EML3: variants seen among roughly 807,000 people sequenced by gnomAD.
EML3 encodes the protein EMAP like 3, also known as echinoderm microtubule-associated protein-like 3.
EML3 carries 53 observed loss-of-function variants against 106.7 expected under a neutral mutation model. The ratio of observed to expected loss-of-function variants is 0.50; its 90% CI spans 0.40 to 0.62. The LOEUF is 0.62. Ranked by LOEUF, EML3 falls within the 20% of genes least tolerant of loss-of-function variation. EML3 has a pLI of 0.00. For missense variants in EML3, 994 were observed against 1,209.1 expected (o/e 0.82, Z 2.64); for synonymous variants, 499 against 489.6 (o/e 1.02, Z -0.25).
Position 62,607,837 on chromosome 11 carries a change from T to A in EML3, c.1207-16A>T. The A allele has an allele frequency of 6.2e-7, 1 of 1,608,174 alleles. No individual in the cohort carries two copies. Among genetic ancestry groups the A allele is most frequent in the Non-Finnish European group, 8.5e-7 (1 of 1,175,522 alleles). ...CATTTGTACTCTGAAGGGAAGACAC[T>A]AGATTCAGCCACCCCAAGCCCTGGG... On this transcript the variant is annotated splice_polypyrimidine_tract_variant and intron_variant, in intron 10 of 21. Coordinates refer to ENST00000394773, the MANE Select transcript of EML3 (RefSeq NM_153265.3).
rs987947123 is a variant in EML3, at chr11:62,602,389, G to A, written c.*86C>T. 2.3e-6 allele frequency: 3 copies of A among 1,332,810 alleles called. No homozygotes were observed. The highest frequency in any genetic ancestry group is 2.0e-4 in the Middle Eastern group (1 of 5,012). 82.6% of individuals were successfully genotyped at this position (1,332,810 alleles called of 1,614,324 possible). A position where few individuals can be genotyped will look rare whatever the true frequency, so the allele number is the denominator to read the frequency against. On this transcript the variant is annotated 3_prime_UTR_variant, in exon 22 of 22. Transcript: ENST00000394773. ...TCGAAGTCAGTCCAGGAAAGAGTCG[G>A]CCCCTAGTCGTGGGGGATTGGGCCA... is the stretch of plus-strand genomic sequence containing the variant.
In EML3 at chr11:62,610,865, GA is replaced by G; in HGVS notation, c.566+13del. ...CGCCTGGGGCGGGGTGGGTTGAGGG[GA>G]AGCCTCACCCACCTCTCTGTGCTCC... On this transcript the variant is annotated intron_variant, in intron 4 of 21. Coordinates refer to ENST00000394773, the MANE Select transcript of EML3 (RefSeq NM_153265.3). 1 of 1,593,818 alleles carries G rather than the reference GA, an allele frequency of 6.3e-7. No homozygotes were observed. The highest frequency in any genetic ancestry group is 8.5e-7 in the Non-Finnish European group (1 of 1,171,358).
In EML3 at chr11:62,608,839, T is replaced by C. The variant is rs770758044; in HGVS notation, c.930-34A>G. 3 of 1,564,120 alleles carry C rather than the reference T, an allele frequency of 1.9e-6. No homozygotes were observed. In the East Asian group the frequency reaches 6.8e-5, roughly 35 times the overall value. On this transcript the variant is annotated intron_variant, in intron 7 of 21. Transcript: ENST00000394773. ...GGGGGAAGACACTCTAGGGAAAGGG[T>C]CTCTCAAGACCATCCAAGACACCTT...
chr11:62,609,367 T>C lies in EML3; in HGVS notation c.745A>G (p.Ser249Gly). Residue 249 changes from serine to glycine, a missense_variant, in exon 6 of 22, where the codon AGC becomes GGC. By Grantham distance (56) the Ser-to-Gly change is moderately conservative (BLOSUM62 0). This residue lies in a region of EML3 where 713 missense variants were observed against 920.5 expected (regional missense o/e 0.77). Transcript: ENST00000394773. ...GGGGCAGGATACACCCAGTCAAGGC[T>C]GAGGGTCTCTGGCGGTGGGCCACTC... The part of the protein sequence containing the change: ...LPSGPPPETL[S>G]LDWVYGYRGR... 2 of 1,583,242 alleles carry C rather than the reference T, an allele frequency of 1.3e-6. No individual in the cohort carries two copies. Among genetic ancestry groups the C allele is most frequent in the Non-Finnish European group, 1.7e-6 (2 of 1,164,064 alleles).
In EML3 at chr11:62,603,977, A is replaced by C. The variant is rs748928600; in HGVS notation, c.2136T>G (p.Asp712Glu). 8.7e-6 allele frequency: 14 copies of C among 1,614,132 alleles called. No individual in the cohort carries two copies. In the East Asian group the frequency reaches 3.1e-4, roughly 36 times the overall value. Residue 712 changes from aspartate to glutamate, a missense_variant, in exon 18 of 22, where the codon GAT becomes GAG. By Grantham distance (45) the Asp-to-Glu change is conservative (BLOSUM62 2). Coordinates refer to ENST00000394773, the MANE Select transcript of EML3 (RefSeq NM_153265.3). ...NVIYIYSVSS[D>E]GAKSSRFGRC... is the part of the protein sequence containing the mutation. ...GGCCAAAGCGGCTGGATTTGGCACC[A>C]TCACTGGAAACACTATAGATGTAGA... is the stretch of plus-strand genomic sequence containing the variant.
In EML3 at chr11:62,611,005, T is replaced by C. The variant is rs1590761584; in HGVS notation, c.453-13A>G. The C allele has an allele frequency of 6.2e-7, 1 of 1,611,768 alleles. No individual in the cohort carries two copies. The highest frequency in any genetic ancestry group is 1.3e-5 in the African/African-American group (1 of 74,862). ...ATTTCTTCGCGGCCTGGTGGGGGCA[T>C]AGTGAAGGTCATTCCCTCCAACTGT... On this transcript the variant is annotated splice_polypyrimidine_tract_variant and intron_variant, in intron 3 of 21. Transcript: ENST00000394773.
At chr11:62,607,862 G>T in intron 10 of EML3, 41 bp from the exon 11 acceptor site, 1 of 1,595,392 alleles carries the variant, frequency 6.3e-7, no homozygotes, top group African/African-American at 1.3e-5. Flanking sequence ...CAAGCCCTGG[G>T]TACCTTCATT....
At chr11:62,604,283 G>A in intron 16 of EML3, 82 bp from the exon 17 acceptor site, 1 of 1,249,536 alleles carries the variant, frequency 8.0e-7, no homozygotes, top group Non-Finnish European at 1.2e-6. Flanking sequence ...ACCCTGGGTA[G>A]GCTTGGGGAT....
Position 62,602,468 on chromosome 11 carries a change from G to T in EML3, c.*7C>A, listed in dbSNP as rs1411534197. 3 of 1,541,972 alleles carry T rather than the reference G, an allele frequency of 1.9e-6. No individual in the cohort carries two copies. Among genetic ancestry groups the T allele is most frequent in the Non-Finnish European group, 2.6e-6 (3 of 1,141,864 alleles). Reference sequence around the variant, plus strand: ...CCGCCGGGCCAGTCGGTCCCGCCAGGCAGCGATCAAACGTCGAGGGAGGAG... The same window carrying T: ...CCGCCGGGCCAGTCGGTCCCGCCAGTCAGCGATCAAACGTCGAGGGAGGAG... On this transcript the variant is annotated 3_prime_UTR_variant, in exon 22 of 22. Coordinates refer to ENST00000394773, the MANE Select transcript of EML3 (RefSeq NM_153265.3).
In EML3 at chr11:62,608,772, G is replaced by T. The variant is rs1942660659; in HGVS notation, c.963C>A (p.Ala321=). 1 of 1,589,218 alleles carries T rather than the reference G, an allele frequency of 6.3e-7. No individual in the cohort carries two copies. The highest frequency in any genetic ancestry group is 1.2e-5 in the South Asian group (1 of 86,190). The part of the protein sequence containing the change: ...LAVHPDGVRV[A]SGQTAGVDKD... ...TATCCACTCCAGCTGTCTGTCCCGAGGCTACCCGAACACCATCAGGGTGAA... is the reference window on the plus strand; with the variant it reads ...TATCCACTCCAGCTGTCTGTCCCGATGCTACCCGAACACCATCAGGGTGAA... Residue 321 remains alanine, a synonymous_variant, in exon 8 of 22, where the codon GCC becomes GCA. Transcript: ENST00000394773.
chr11:62,606,366 T>G (rs1455412578), intron 12 of EML3, 152 bp from the exon 13 acceptor site: 1 of 920,940 alleles, frequency 1.1e-6, no homozygotes. Context: ...CATCTGTTAT[T>G]CTCCCCATTT....
At chr11:62,611,855 G>C (rs1942847787) in intron 1 of EML3, 2 of 538,294 alleles carry the variant, frequency 3.7e-6, no homozygotes, top group Admixed American at 7.4e-5. Flanking sequence ...GTACCATGGA[G>C]TACCGGGGGG....
At chr11:62,610,042 C>G (rs184860461) in intron 4 of EML3, among the ~76,000 whole-genome samples, 2 of 152,324 alleles carry the variant, frequency 1.3e-5, no homozygotes, top group East Asian at 1.9e-4. Flanking sequence ...ACTGCAACCT[C>G]CGCCTCCTGG....
chr11:62,603,935 C>A lies in EML3; in HGVS notation c.2169+9G>T, dbSNP rs753293130. On this transcript the variant is annotated intron_variant, in intron 18 of 21. Transcript: ENST00000394773. ...TATCATGCCCCACCACACACCCCAA[C>A]TTCCTCACCATACAGCGGCCAAAGC... The A allele has an allele frequency of 6.2e-7, 1 of 1,613,928 alleles. No homozygotes were observed. Among genetic ancestry groups the A allele is most frequent in the Admixed American group, 1.7e-5 (1 of 60,000 alleles).
intron 1 of EML3, 59 bp from the exon 2 acceptor site, chr11:62,611,655 G>C: frequency 6.5e-7 from 1 of 1,531,318 alleles, no homozygotes; most frequent in Non-Finnish European, 8.8e-7. Flanking sequence ...AGCGTAGAGG[G>C]GATTCTGTCT....
At chr11:62,603,034 C>G in intron 20 of EML3, 115 bp downstream of exon 20, 4 of 1,533,494 alleles carry the variant, frequency 2.6e-6, no homozygotes, top group Non-Finnish European at 3.5e-6. Flanking sequence ...GCCTCCTGGG[C>G]TGGATCTTCA....
chr11:62,612,297 G>A, intron 1 of EML3, 139 bp downstream of exon 1: 1 of 826,708 alleles, frequency 1.2e-6, no homozygotes. Context: ...GGCGACCGGA[G>A]GAACTGTGGA....
At chr11:62,603,412 G>A (rs1006212833) in intron 19 of EML3, among the ~76,000 whole-genome samples, 165 bp from the exon 20 acceptor site, 2 of 152,120 alleles carry the variant, frequency 1.3e-5, no homozygotes, top group Non-Finnish European at 2.9e-5. Context: ...CCCTGTGTGC[G>A]TCCTGTCCTG....
rs1446347001 is a variant in EML3, at chr11:62,605,296, G to A, written c.1915-116C>T. On this transcript the variant is annotated intron_variant, in intron 15 of 21. Coordinates refer to ENST00000394773, the MANE Select transcript of EML3 (RefSeq NM_153265.3). The surrounding 1 kb of genome is among the most constrained non-coding windows in gnomAD (Gnocchi z 5.2). Reference sequence around the variant, plus strand: ...TACTCCCAAGGAGAAGATGGGAAGAGAGGGAAGGGATACCCGGGTATCACT... The same window carrying A: ...TACTCCCAAGGAGAAGATGGGAAGAAAGGGAAGGGATACCCGGGTATCACT... The A allele has an allele frequency of 8.6e-6, 9 of 1,049,566 alleles. No homozygotes were observed. The East Asian group carries it at 1.9e-4, about 22-fold the overall frequency. The allele number at this position is 1,049,566 out of a possible 1,614,324, so 65.0% of individuals were successfully genotyped here. A position where few individuals can be genotyped will look rare whatever the true frequency, so the allele number is the denominator to read the frequency against.
Sources: gnomAD v4.1 joint callset for allele counts (sites outside exome capture counted in the v4.1 genomes callset) on GRCh38, gnomAD v4.1.1 for gene constraint, gnomAD v4.1.1 regional missense constraint, Gnocchi (gnomAD v3.1) non-coding constraint, MANE v1.5 for transcripts, NCBI Gene and HGNC (gene_info 2026-07-23, HGNC 2026-07-21) for gene names.